The following COL8A1 variants were observed in gnomAD, a reference collection of about 807,000 sequenced individuals.
COL8A1 encodes the protein collagen alpha-1(VIII) chain.
COL8A1 carries 21 observed loss-of-function variants against 42.7 expected under a neutral mutation model. That is an observed-to-expected ratio of 0.49 (90% CI 0.35 to 0.71). The LOEUF is 0.71. Ranked by LOEUF, COL8A1 falls within the 30% of genes least tolerant of loss-of-function variation. The pLI, the probability that COL8A1 is intolerant of heterozygous loss-of-function variation, is 0.01. For synonymous variants in COL8A1, 367 were observed against 369.1 expected (o/e 0.99, Z 0.06); for missense variants, 788 against 962.4 (o/e 0.82, Z 2.40).
chr3:99,645,175 T>TG (rs1305679701), intron 1 of COL8A1, among the ~76,000 whole-genome samples: 3 of 152,196 alleles, frequency 2.0e-5, no homozygotes, highest in Admixed American at 2.0e-4. Context: ...ATAAATTCAG[T>TG]GATGATTGTA....
chr3:99,719,563 C>G (rs1940091605), intron 1 of COL8A1, among the ~76,000 whole-genome samples: 3 of 151,988 alleles, frequency 2.0e-5, no homozygotes, highest in African/African-American at 7.2e-5. Context: ...CTTTTGGGAG[C>G]AGATATGAGA....
At chr3:99,774,728 G>A (rs1941658580) in intron 2 of COL8A1, among the ~76,000 whole-genome samples, 1 of 152,184 alleles carries the variant, frequency 6.6e-6, no homozygotes, top group South Asian at 2.1e-4. Context: ...TCCTCAGCTA[G>A]GCAACGCCTC....
At chr3:99,783,683 AAGG>A (rs1941838194) in intron 2 of COL8A1, among the ~76,000 whole-genome samples, 2 of 152,222 alleles carry the variant, frequency 1.3e-5, no homozygotes, top group Non-Finnish European at 2.9e-5. Flanking sequence ...ATGGAAGGAG[AAGG>A]AGAAGCAAGA....
intron 1 of COL8A1, among the ~76,000 whole-genome samples, chr3:99,716,037 C>A (rs1939985106): frequency 6.6e-6 from 1 of 151,966 alleles, no homozygotes; most frequent in South Asian, 2.1e-4. Flanking sequence ...TAACCCTTTT[C>A]GTCCAAAGGT....
intron 1 of COL8A1, among the ~76,000 whole-genome samples, chr3:99,684,395 C>T (rs1373340403): frequency 1.3e-5 from 2 of 152,144 alleles, no homozygotes; most frequent in African/African-American, 4.8e-5. Context: ...GATTCAGACT[C>T]AAATGTATCT....
chr3:99,729,550 G>A (rs181932826), intron 1 of COL8A1, among the ~76,000 whole-genome samples: 3 of 152,008 alleles, frequency 2.0e-5, no homozygotes, highest in East Asian at 1.9e-4. Flanking sequence ...CTAGACACTC[G>A]ATGGTGCCTT....
chr3:99,785,775 G>T (rs917831916), intron 2 of COL8A1, among the ~76,000 whole-genome samples: 2 of 152,146 alleles, frequency 1.3e-5, no homozygotes, highest in African/African-American at 4.8e-5. Flanking sequence ...AAGCCAAGGC[G>T]AGAGGCTCCA....
intron 2 of COL8A1, among the ~76,000 whole-genome samples, chr3:99,788,164 A>T (rs1941933261): frequency 6.6e-6 from 1 of 152,198 alleles, no homozygotes; most frequent in African/African-American, 2.4e-5. Context: ...GGAATAAGTA[A>T]AGCAGTAAAT....
chr3:99,792,577 T>A (rs1942022189), intron 3 of COL8A1, among the ~76,000 whole-genome samples: 1 of 152,198 alleles, frequency 6.6e-6, no homozygotes, highest in Non-Finnish European at 1.5e-5. Context: ...TATTCTCTAA[T>A]CTTGTAGTGT....
chr3:99,664,764 G>T (rs759351813), intron 1 of COL8A1, among the ~76,000 whole-genome samples: 4 of 152,112 alleles, frequency 2.6e-5, no homozygotes, highest in Non-Finnish European at 5.9e-5. Flanking sequence ...GCTTTCCATC[G>T]ACTGAAGAAT....
At chr3:99,766,014 C>A (rs1941457472) in intron 2 of COL8A1, among the ~76,000 whole-genome samples, 1 of 152,104 alleles carries the variant, frequency 6.6e-6, no homozygotes, top group African/African-American at 2.4e-5. Context: ...CTTTTAAGGA[C>A]AATTTTGTTC....
rs745535145 is a variant in COL8A1 at position 99,794,461 on chromosome 3, T to A, written c.560T>A (p.Ile187Asn). Reference protein sequence around the residue: ...AKGEIGQKGEIGPMGIPGPQG... With the variant: ...AKGEIGQKGENGPMGIPGPQG... ...GGAGAAATTGGACAGAAAGGGGAAA[T>A]TGGGCCTATGGGGATCCCAGGACCA... is the stretch of plus-strand genomic sequence containing the variant. Residue 187 changes from isoleucine (I) to asparagine (N), a missense_variant, in exon 4 of 4, where the codon ATT becomes AAT. Around this residue, in one of 4 missense-constraint regions of COL8A1, gnomAD observed 421 missense variants for 553.1 expected, o/e 0.76. Transcript: ENST00000652472. This position sits in a 1 kb window ranked among gnomAD's most constrained non-coding sequence, Gnocchi z 4.3. 1 of 1,613,706 alleles carries A rather than the reference T, an allele frequency of 6.2e-7. No individual in the cohort carries two copies. Among genetic ancestry groups the A allele is most frequent in the Non-Finnish European group, 8.5e-7 (1 of 1,179,886 alleles).
chr3:99,795,607 G>A lies in COL8A1; in HGVS notation c.1706G>A (p.Gly569Glu), dbSNP rs1369979768. ...PGPPGPPGPP[G>E]PPAVMPPTPP... Reference sequence around the variant, plus strand: ...CCCCCAGGCCCTCCAGGACCTCCAGGACCCCCAGCTGTGATGCCCCCTACA... The same window carrying A: ...CCCCCAGGCCCTCCAGGACCTCCAGAACCCCCAGCTGTGATGCCCCCTACA... The change falls in exon 4 of 4, where the codon GGA (glycine) becomes GAA (glutamate). Residue 569 changes from glycine to glutamate, a missense_variant. By Grantham distance (98) the Gly-to-Glu change is moderately conservative (BLOSUM62 -2). Around this residue, in one of 4 missense-constraint regions of COL8A1, gnomAD observed 154 missense variants for 182.3 expected, o/e 0.84. Transcript: ENST00000652472. 6.2e-7 allele frequency: 1 copy of A among 1,612,786 alleles called. No homozygotes were observed. The highest frequency in any genetic ancestry group is 1.1e-5 in the South Asian group (1 of 90,976).
intron 1 of COL8A1, among the ~76,000 whole-genome samples, chr3:99,725,418 AT>A (rs920472694): frequency 6.6e-6 from 1 of 151,338 alleles, no homozygotes; most frequent in African/African-American, 2.4e-5. Context: ...TTTTTTTTTA[AT>A]TTTATTATTA....
rs7615279 is a variant in COL8A1, at chr3:99,695,425, T to A, written c.-128-49472T>A. 3.1e-3 allele frequency among the ~76,000 whole-genome samples: 475 copies of A among 152,330 alleles called. 2 individuals carry two copies. Among genetic ancestry groups the A allele is most frequent in the African/African-American group, 0.011 (445 of 41,576 alleles). ...TTGTCATGGTCTCTTGTTTTTTGTA[T>A]CAAAAAATTCCAAGAGAAAACTGAA... On this transcript the variant is annotated intron_variant, in intron 1 of 3. Transcript: ENST00000652472.
At chr3:99,642,113 C>G (rs12493417) in intron 1 of COL8A1, among the ~76,000 whole-genome samples, 48,855 of 151,978 alleles carry the variant, frequency 0.32, 8,630 homozygotes, top group African/African-American at 0.46. Flanking sequence ...ACACCCCACA[C>G]TACTAAATTA....
intron 2 of COL8A1, among the ~76,000 whole-genome samples, chr3:99,762,857 G>A (rs983887894): frequency 6.6e-6 from 1 of 152,308 alleles, no homozygotes; most frequent in African/African-American, 2.4e-5. Flanking sequence ...GCAGCTGGGG[G>A]AGACATGGCT....
intron 2 of COL8A1, among the ~76,000 whole-genome samples, chr3:99,765,735 C>T (rs1032189860): frequency 1.3e-5 from 2 of 152,126 alleles, no homozygotes; most frequent in Non-Finnish European, 2.9e-5. Context: ...TCCTTTTGGT[C>T]AAATCTATGT....
At chr3:99,724,218 G>A (rs566353351) in intron 1 of COL8A1, among the ~76,000 whole-genome samples, 32 of 152,190 alleles carry the variant, frequency 2.1e-4, no homozygotes, top group Non-Finnish European at 4.4e-4. Context: ...TCATTGGTTG[G>A]TCCTCCTATA....
Sources: gnomAD v4.1 joint callset for allele counts (sites outside exome capture counted in the v4.1 genomes callset) on GRCh38, gnomAD v4.1.1 for gene constraint, gnomAD v4.1.1 regional missense constraint, Gnocchi (gnomAD v3.1) non-coding constraint, MANE v1.5 for transcripts, NCBI Gene and HGNC (gene_info 2026-07-23, HGNC 2026-07-21) for gene names.